Variants in ATP9A observed in about 807,000 individuals in gnomAD.
ATP9A encodes the protein ATPase phospholipid transporting 9A, also known as probable phospholipid-transporting ATPase IIA.
Under a neutral mutation model 144.1 loss-of-function variants are expected in ATP9A, and 52 were observed. The observed-to-expected ratio is 0.36, with a 90% CI of 0.29 to 0.45. ATP9A has a LOEUF of 0.45. ATP9A is among the 20% of genes least tolerant of loss of function. ATP9A has a pLI of 1.00. For missense variants in ATP9A, 947 were observed against 1,392.7 expected (o/e 0.68, Z 5.09); for synonymous variants, 582 against 557.4 (o/e 1.04, Z -0.62).
In ATP9A at chr20:51,608,762, C is replaced by G. The variant is rs75664506; in HGVS notation, c.2637-136G>C. 1.3e-4 allele frequency: 81 copies of G among 637,942 alleles called. No individual in the cohort carries two copies. In the African/African-American group the frequency reaches 1.3e-3, roughly 11 times the overall value. The allele number at this position is 637,942 out of a possible 1,614,324, so 39.5% of individuals were successfully genotyped here. ...CTTGTCTATTATGCTCCGGGGCTGG[C>G]TGTAAGCACCAGAAACCCATGAGCA... is the stretch of plus-strand genomic sequence containing the variant. On this transcript the variant is annotated intron_variant, in intron 24 of 27. Transcript: ENST00000338821.
rs1231413763 is a variant in ATP9A, at chr20:51,718,923, T to A, written c.328-5849A>T. Among the ~76,000 whole-genome samples, 4 of 147,940 alleles carry A rather than the reference T, an allele frequency of 2.7e-5. No individual in the cohort carries two copies. In the Admixed American group the frequency reaches 2.7e-4, roughly 10 times the overall value. ...GGCAGGTGGATCACGAGGTCAGGAG[T>A]TCGAGACCAGCCTGACCAACATGAT... On this transcript the variant is annotated intron_variant, in intron 3 of 27. Coordinates refer to ENST00000338821, the MANE Select transcript of ATP9A (RefSeq NM_006045.3).
intron 14 of ATP9A, among the ~76,000 whole-genome samples, chr20:51,645,317 T>C (rs1400116535): frequency 6.6e-6 from 1 of 152,098 alleles, no homozygotes; most frequent in Non-Finnish European, 1.5e-5. Flanking sequence ...GTCAGGAGTT[T>C]GAGACCAGCC....
chr20:51,721,842 T>G (rs2077691084), intron 3 of ATP9A, among the ~76,000 whole-genome samples: 1 of 149,612 alleles, frequency 6.7e-6, no homozygotes, highest in Admixed American at 6.7e-5. Flanking sequence ...AAAACAATTC[T>G]AAAATTCATA....
intron 18 of ATP9A, among the ~76,000 whole-genome samples, chr20:51,623,962 T>C (rs1355067062): frequency 2.6e-5 from 4 of 152,062 alleles, no homozygotes; most frequent in Non-Finnish European, 4.4e-5. Flanking sequence ...GAATAAAATA[T>C]CTCGTCTTGG....
chr20:51,629,154 G>T, intron 15 of ATP9A, 82 bp from the exon 16 acceptor site: 1 of 1,100,084 alleles, frequency 9.1e-7, no homozygotes, highest in Non-Finnish European at 1.4e-6. Flanking sequence ...ATGACAGACA[G>T]TGTACAAAGT....
chr20:51,690,351 C>G (rs1219470732), intron 8 of ATP9A, among the ~76,000 whole-genome samples: 1 of 151,912 alleles, frequency 6.6e-6, no homozygotes, highest in African/African-American at 2.4e-5. Context: ...ACCCGGGAGA[C>G]GGAGCCTGCA....
At chr20:51,741,546 T>C (rs1485118931) in intron 1 of ATP9A, among the ~76,000 whole-genome samples, 1 of 151,982 alleles carries the variant, frequency 6.6e-6, no homozygotes. Context: ...CATTGCACTC[T>C]AGCCTGGACA....
chr20:51,692,249 TTA>T (rs1186501068), intron 7 of ATP9A, among the ~76,000 whole-genome samples: 1 of 152,200 alleles, frequency 6.6e-6, no homozygotes, highest in African/African-American at 2.4e-5. Flanking sequence ...ACGATAGATT[TTA>T]TGTTATGTGT....
At chr20:51,652,558 G>A (rs2426343) in intron 14 of ATP9A, among the ~76,000 whole-genome samples, 68,322 of 152,022 alleles carry the variant, frequency 0.45, 16,831 homozygotes, top group East Asian at 0.8. Flanking sequence ...GAAACAGTAC[G>A]GCTTTCTGAA....
chr20:51,695,300 C>T (rs1348759412), intron 6 of ATP9A, among the ~76,000 whole-genome samples: 4 of 151,642 alleles, frequency 2.6e-5, no homozygotes, highest in Non-Finnish European at 5.9e-5. Context: ...CTGGCCAACA[C>T]GGTGAAACCC....
rs374209860 is a variant in ATP9A at position 51,751,260 on chromosome 20, TG to T, written c.68+17041del. On this transcript the variant is annotated intron_variant, in intron 1 of 27. Coordinates refer to ENST00000338821, the MANE Select transcript of ATP9A (RefSeq NM_006045.3). ...TTTTTTAACGTTTCTGGGTTTTTTTTGTTTTTTTTTTTTTTTTTTGAGACAG... is the reference window on the plus strand; with the variant it reads ...TTTTTTAACGTTTCTGGGTTTTTTTTTTTTTTTTTTTTTTTTTTGAGACAG... Among the ~76,000 whole-genome samples the T allele has an allele frequency of 2.1e-3, 291 of 141,154 alleles. 1 individual carries two copies. Among genetic ancestry groups the T allele is most frequent in the Non-Finnish European group, 3.5e-3 (225 of 64,758 alleles). 92.6% of individuals were successfully genotyped at this position (141,154 alleles called of 152,430 possible). A position where few individuals can be genotyped will look rare whatever the true frequency, so the allele number is the denominator to read the frequency against.
chr20:51,632,484 G>A (rs1287882124), intron 15 of ATP9A, among the ~76,000 whole-genome samples: 1 of 152,294 alleles, frequency 6.6e-6, no homozygotes, highest in East Asian at 1.9e-4. Context: ...GGTTTCTCAG[G>A]CCCTTCCTCA....
intron 1 of ATP9A, among the ~76,000 whole-genome samples, chr20:51,731,841 C>T (rs1208899886): frequency 6.6e-6 from 1 of 152,160 alleles, no homozygotes; most frequent in Non-Finnish European, 1.5e-5. Flanking sequence ...CTTTTCCCCA[C>T]CCCATGCTGT....
chr20:51,602,087 G>A (rs6021306), intron 27 of ATP9A, among the ~76,000 whole-genome samples: 82,574 of 151,710 alleles, frequency 0.54, 22,732 homozygotes, highest in South Asian at 0.66. Flanking sequence ...CACAGGATGA[G>A]TCTGGGTCAT....
intron 14 of ATP9A, among the ~76,000 whole-genome samples, chr20:51,653,847 G>A (rs1423121736): frequency 6.6e-6 from 1 of 151,952 alleles, no homozygotes; most frequent in Non-Finnish European, 1.5e-5. Context: ...ATCACTTGAG[G>A]TCAGGAGCTC....
Position 51,625,139 on chromosome 20 carries a change from G to C in ATP9A, c.2016+53C>G. 3.2e-6 allele frequency: 5 copies of C among 1,548,812 alleles called. No individual in the cohort carries two copies. The South Asian group carries it at 4.8e-5, about 15-fold the overall frequency. ...CCCTGTGATCTCCCTGCACTGCTGA[G>C]GGATAACTGGCATTGCCCTGGAGTG... is the stretch of plus-strand genomic sequence containing the variant. On this transcript the variant is annotated intron_variant, in intron 18 of 27. Coordinates refer to ENST00000338821, the MANE Select transcript of ATP9A (RefSeq NM_006045.3).
At chr20:51,767,853 C>G (rs1281132613) in intron 1 of ATP9A, among the ~76,000 whole-genome samples, 3 of 152,222 alleles carry the variant, frequency 2.0e-5, no homozygotes, top group Admixed American at 6.5e-5. Flanking sequence ...GCCGCGCCCC[C>G]CTAAAAGCTG....
chr20:51,675,649 G>A (rs982867649), intron 10 of ATP9A, among the ~76,000 whole-genome samples: 1 of 152,220 alleles, frequency 6.6e-6, no homozygotes, highest in Non-Finnish European at 1.5e-5. Context: ...GGAGGCCGAG[G>A]AGGGAGGATC....
At chr20:51,614,750 G>A (rs1005022187) in intron 22 of ATP9A, among the ~76,000 whole-genome samples, 1 of 152,132 alleles carries the variant, frequency 6.6e-6, no homozygotes, top group African/African-American at 2.4e-5. Context: ...CAATCTGATG[G>A]GTTCAAGAAC....
Sources: gnomAD v4.1 joint callset for allele counts (sites outside exome capture counted in the v4.1 genomes callset) on GRCh38, gnomAD v4.1.1 for gene constraint, MANE v1.5 for transcripts, NCBI Gene and HGNC (gene_info 2026-07-23, HGNC 2026-07-21) for gene names.